Variants in EPHX2 observed in about 807,000 individuals in gnomAD.
EPHX2 encodes the protein bifunctional epoxide hydrolase 2.
In EPHX2, 74 loss-of-function variants were observed where a neutral mutation model predicts 78.7. The observed-to-expected ratio is 0.94, with a 90% CI of 0.78 to 1.14. The LOEUF (loss-of-function observed/expected upper bound fraction) is 1.14. EPHX2 is among the 50% of genes most tolerant of loss of function. The pLI is 0.00. For synonymous variants in EPHX2, 251 were observed against 255.2 expected, an observed-to-expected ratio of 0.98 and a Z score of 0.16; for missense variants, 715 against 702.5, an observed-to-expected ratio of 1.02 and a Z score of -0.20.
chr8:27,511,685 G>T (rs1814253846), intron 5 of EPHX2, 151 bp from the exon 6 acceptor site: 2 of 700,484 alleles, frequency 2.9e-6, no homozygotes, highest in African/African-American at 3.5e-5. Flanking sequence ...GTGCTGGCAG[G>T]AGAGGGAGAT....
intron 3 of EPHX2, 97 bp from the exon 4 acceptor site, chr8:27,504,859 A>G: frequency 2.3e-6 from 3 of 1,297,488 alleles, no homozygotes; most frequent in South Asian, 1.3e-5. Context: ...AGTGAGCACA[A>G]CCTGCTTGGC....
chr8:27,529,483 C>T (rs973043200), intron 12 of EPHX2, among the ~76,000 whole-genome samples: 5 of 152,194 alleles, frequency 3.3e-5, no homozygotes, highest in African/African-American at 1.2e-4. Flanking sequence ...GTGAACCCTG[C>T]TCTCTCCCAC....
intron 10 of EPHX2, among the ~76,000 whole-genome samples, chr8:27,521,731 G>T (rs1280057561): frequency 1.3e-5 from 2 of 152,244 alleles, no homozygotes; most frequent in Non-Finnish European, 2.9e-5. Flanking sequence ...TCCTGACTCT[G>T]TACAGACTTC....
Position 27,506,902 on chromosome 8 carries a change from C to A in EPHX2, c.568C>A (p.Leu190Met), listed in dbSNP as rs1814028606. Residue 190 changes from leucine to methionine, a missense_variant, in exon 5 of 19, where the codon CTG becomes ATG. Leu to Met is a conservative substitution (Grantham distance 15). Transcript: ENST00000521400. ...VVFLDDIGAN[L>M]KPARDLGMVT... is the part of the protein sequence containing the mutation. The stretch of plus-strand genomic sequence containing the variant: ...TTTTTTGGATGACATCGGGGCTAAT[C>A]TGAAGCCAGCCCGTGACTTGGGAAT... The A allele has an allele frequency of 6.2e-7, 1 of 1,613,274 alleles. No individual in the cohort carries two copies. Among genetic ancestry groups the A allele is most frequent in the Non-Finnish European group, 8.5e-7 (1 of 1,179,638 alleles).
downstream of EPHX2, among the ~76,000 whole-genome samples, chr8:27,547,073 AG>A (rs772303695): frequency 3.3e-5 from 5 of 152,186 alleles, no homozygotes; most frequent in Non-Finnish European, 7.4e-5. Flanking sequence ...GAGAACAGCA[AG>A]GGGGAAATCC....
intron 1 of EPHX2, among the ~76,000 whole-genome samples, chr8:27,499,325 T>G (rs1031465990): frequency 6.6e-6 from 1 of 152,154 alleles, no homozygotes; most frequent in Non-Finnish European, 1.5e-5. Flanking sequence ...TAATTATACC[T>G]TAACAAAGCT....
At chr8:27,512,203 T>C in intron 6 of EPHX2, 1 of 360,876 alleles carries the variant, frequency 2.8e-6, no homozygotes, top group South Asian at 2.8e-5. Flanking sequence ...CAAATCTCAT[T>C]CCTCAGAAAT....
chr8:27,502,709 C>A (rs1356580934), intron 2 of EPHX2, among the ~76,000 whole-genome samples: 5 of 152,222 alleles, frequency 3.3e-5, no homozygotes, highest in African/African-American at 9.6e-5. Flanking sequence ...TGTGTCCTCA[C>A]ATGGTCATCC....
In EPHX2 at chr8:27,540,364, C is replaced by T. The variant is rs3757903; in HGVS notation, c.1277-190C>T. Among the ~76,000 whole-genome samples the T allele has an allele frequency of 2.1e-4, 32 of 152,162 alleles. 1 individual carries two copies. The East Asian group carries it at 5.8e-3, about 28-fold the overall frequency. ...AGGGAACATCAGGCTCCAGTGTGAC[C>T]GTGAGATCACAGCTTTGAGCTTTCG... On this transcript the variant is annotated intron_variant, in intron 14 of 18. Coordinates refer to ENST00000521400, the MANE Select transcript of EPHX2 (RefSeq NM_001979.6).
chr8:27,540,728 G>A, intron 15 of EPHX2, 72 bp downstream of exon 15: 1 of 1,452,356 alleles, frequency 6.9e-7, no homozygotes, highest in Admixed American at 1.7e-5. Flanking sequence ...CCTCAGGGTG[G>A]AGGGTGAGGC....
chr8:27,540,174 C>G (rs1345645311), intron 14 of EPHX2, among the ~76,000 whole-genome samples: 1 of 152,128 alleles, frequency 6.6e-6, no homozygotes, highest in Non-Finnish European at 1.5e-5. Flanking sequence ...GGCGATATCT[C>G]CAAAGGGCCA....
Position 27,508,946 on chromosome 8 carries a change from C to CTTT in EPHX2, c.660+1977_660+1979dup, listed in dbSNP as rs34748947. Among the ~76,000 whole-genome samples the CTTT allele has an allele frequency of 4.6e-3, 297 of 64,366 alleles. 51 individuals carry two copies. Among genetic ancestry groups the CTTT allele is most frequent in the African/African-American group, 0.021 (275 of 12,960 alleles). 42.2% of individuals were successfully genotyped at this position (64,366 alleles called of 152,430 possible). ...CTGGCCCCTGGCAACCCCCATCCTGCTTTTTTTTTTTTTTTTTTTTTTTTT... is the reference window on the plus strand; with the variant it reads ...CTGGCCCCTGGCAACCCCCATCCTGCTTTTTTTTTTTTTTTTTTTTTTTTTTTT... On this transcript the variant is annotated intron_variant, in intron 5 of 18. Coordinates refer to ENST00000521400, the MANE Select transcript of EPHX2 (RefSeq NM_001979.6).
At chr8:27,518,758 C>T (rs143091647) in intron 9 of EPHX2, among the ~76,000 whole-genome samples, 94 of 152,334 alleles carry the variant, frequency 6.2e-4, no homozygotes, top group Middle Eastern at 3.4e-3. Flanking sequence ...CAGCTTCATG[C>T]GCTGGCTTTG....
chr8:27,524,942 A>C (rs1490751658), intron 11 of EPHX2, among the ~76,000 whole-genome samples: 1 of 152,030 alleles, frequency 6.6e-6, no homozygotes, highest in East Asian at 1.9e-4. Context: ...ATGCCATAGA[A>C]TTATGCTCAA....
chr8:27,537,897 C>A (rs1397837639), intron 13 of EPHX2, among the ~76,000 whole-genome samples: 1 of 152,082 alleles, frequency 6.6e-6, no homozygotes, highest in African/African-American at 2.4e-5. Flanking sequence ...GGTTTATAAG[C>A]TCATCTTCAG....
At position 27,543,734 on chromosome 8, in the gene EPHX2, C is replaced by G; in HGVS notation, c.1450-15C>G. The G allele has an allele frequency of 6.2e-7, 1 of 1,613,688 alleles. No individual in the cohort carries two copies. The highest frequency in any genetic ancestry group is 1.1e-5 in the South Asian group (1 of 91,018). On this transcript the variant is annotated splice_polypyrimidine_tract_variant and intron_variant, in intron 16 of 18. Transcript: ENST00000521400. Reference sequence around the variant, plus strand: ...GTGGAGTGCTGGCCACTTCTGTTTCCTGTTCTCCCCCCAGATCCTGATTCC... The same window carrying G: ...GTGGAGTGCTGGCCACTTCTGTTTCGTGTTCTCCCCCCAGATCCTGATTCC...
intron 16 of EPHX2, among the ~76,000 whole-genome samples, chr8:27,542,861 C>G (rs1815449495): frequency 6.6e-6 from 1 of 152,054 alleles, no homozygotes; most frequent in African/African-American, 2.4e-5. Context: ...AGGGTGGTCT[C>G]AAACTCCTGA....
chr8:27,493,531 G>C (rs372104289), intron 1 of EPHX2, among the ~76,000 whole-genome samples: 20 of 152,294 alleles, frequency 1.3e-4, no homozygotes, highest in South Asian at 8.3e-4. Flanking sequence ...AGTTAAACTG[G>C]CTATTCTGGT....
chr8:27,536,879 A>G, intron 13 of EPHX2, 24 bp downstream of exon 13: 2 of 1,613,440 alleles, frequency 1.2e-6, no homozygotes, highest in African/African-American at 1.3e-5. Flanking sequence ...ATGGGTGCAG[A>G]AGAACAGGAG....
Sources: gnomAD v4.1 joint callset for allele counts (sites outside exome capture counted in the v4.1 genomes callset) on GRCh38, gnomAD v4.1.1 for gene constraint, MANE v1.5 for transcripts, NCBI Gene and HGNC (gene_info 2026-07-23, HGNC 2026-07-21) for gene names.